The following PKP2 variants were observed in gnomAD, a reference collection of about 807,000 sequenced individuals.
PKP2 encodes plakophilin 2, also known as plakophilin-2.
A neutral mutation model predicts 83.4 loss-of-function variants in PKP2; 73 were observed. The observed-to-expected ratio is 0.88, with a 90% CI of 0.72 to 1.06. PKP2 has a LOEUF of 1.06. Ranked by LOEUF, PKP2 falls within the 50% of genes least tolerant of loss-of-function variation. The pLI is 0.00. For synonymous variants in PKP2, 409 were observed against 430.4 expected, an observed-to-expected ratio of 0.95 and a Z score of 0.62; for missense variants, 966 against 1,065.4, an observed-to-expected ratio of 0.91 and a Z score of 1.30.
intron 4 of PKP2, among the ~76,000 whole-genome samples, chr12:32,857,161 T>A (rs1428409181): frequency 6.6e-6 from 1 of 152,174 alleles, no homozygotes; most frequent in Non-Finnish European, 1.5e-5. Context: ...CAACAGCTCA[T>A]GTCTGTAATC....
intron 7 of PKP2, among the ~76,000 whole-genome samples, chr12:32,823,817 G>A (rs1355440843): frequency 6.6e-6 from 1 of 151,982 alleles, no homozygotes; most frequent in Non-Finnish European, 1.5e-5. Context: ...TATCCAGGAT[G>A]GTCTCAATCT....
intron 5 of PKP2, among the ~76,000 whole-genome samples, chr12:32,842,392 G>T (rs575276677): frequency 2.4e-4 from 37 of 151,278 alleles, no homozygotes; most frequent in African/African-American, 8.2e-4. Context: ...ACAGGCGCCC[G>T]CCACCATGCC....
intron 9 of PKP2, among the ~76,000 whole-genome samples, chr12:32,807,939 T>C (rs1956241900): frequency 6.6e-6 from 1 of 152,200 alleles, no homozygotes. Flanking sequence ...GACCTGGCCT[T>C]TCTCTCTGGC....
intron 1 of PKP2, among the ~76,000 whole-genome samples, chr12:32,881,434 T>A (rs1038565124): frequency 1.3e-5 from 2 of 152,140 alleles, no homozygotes; most frequent in African/African-American, 4.8e-5. Context: ...TTTTTTTCTA[T>A]AAATTTTATT....
At chr12:32,884,390 G>A (rs530524144) in intron 1 of PKP2, among the ~76,000 whole-genome samples, 1 of 152,150 alleles carries the variant, frequency 6.6e-6, no homozygotes, top group Non-Finnish European at 1.5e-5. Flanking sequence ...GGAGGCAGAA[G>A]TTGCAGTGAG....
chr12:32,828,297 G>A (rs1366531491), intron 6 of PKP2, among the ~76,000 whole-genome samples: 1 of 152,036 alleles, frequency 6.6e-6, no homozygotes, highest in African/African-American at 2.4e-5. Context: ...ACATTCCTGA[G>A]TGTCACAATG....
intron 10 of PKP2, among the ~76,000 whole-genome samples, chr12:32,798,609 T>C (rs1956152907): frequency 6.6e-6 from 1 of 152,004 alleles, no homozygotes; most frequent in African/African-American, 2.4e-5. Flanking sequence ...AGCAAAATAC[T>C]TACAGCCAAC....
At chr12:32,795,993 T>C (rs1956116880) in intron 11 of PKP2, 116 bp downstream of exon 11, 1 of 943,488 alleles carries the variant, frequency 1.1e-6, no homozygotes, top group Non-Finnish European at 1.7e-6. Flanking sequence ...CTTTACATCC[T>C]GTTTGCTGCC....
intron 10 of PKP2, among the ~76,000 whole-genome samples, chr12:32,800,918 C>T (rs1040321192): frequency 6.6e-6 from 1 of 152,270 alleles, no homozygotes; most frequent in African/African-American, 2.4e-5. Flanking sequence ...AACATAACAA[C>T]TTTATTGCAG....
At chr12:32,861,592 G>C (rs138542356) in intron 4 of PKP2, among the ~76,000 whole-genome samples, 1 of 152,144 alleles carries the variant, frequency 6.6e-6, no homozygotes. Flanking sequence ...GAAGCCTAAC[G>C]TGTATGTAAT....
chr12:32,843,722 G>A (rs900443361), intron 5 of PKP2, among the ~76,000 whole-genome samples: 3 of 152,176 alleles, frequency 2.0e-5, no homozygotes, highest in South Asian at 2.1e-4. Flanking sequence ...TCAGCCACAG[G>A]TTTTGCAATA....
At chr12:32,816,014 C>T (rs1259376704) in intron 9 of PKP2, among the ~76,000 whole-genome samples, 1 of 152,162 alleles carries the variant, frequency 6.6e-6, no homozygotes, top group Non-Finnish European at 1.5e-5. Flanking sequence ...GCAAATAACA[C>T]TTCTAATTCA....
At chr12:32,821,251 T>C (rs1956372436) in intron 9 of PKP2, 105 bp downstream of exon 9, 2 of 1,082,940 alleles carry the variant, frequency 1.8e-6, no homozygotes, top group Admixed American at 1.9e-5. Context: ...TTTACTAAAA[T>C]AAGAAACCTT....
chr12:32,843,382 G>C, intron 5 of PKP2: 1 of 1,239,058 alleles, frequency 8.1e-7, no homozygotes, highest in African/African-American at 1.5e-5. Context: ...AAATGTGGCA[G>C]ACTTGGCTGA....
rs1956073618 is a variant in PKP2 at position 32,792,157 on chromosome 12, G to C, written c.*267C>G. ...TCCCTTCCACATGAATTCACATTTT[G>C]ATTCCAGGAAGCCATGTACCATAAG... is the stretch of plus-strand genomic sequence containing the variant. On this transcript the variant is annotated 3_prime_UTR_variant, in exon 13 of 13. Coordinates refer to ENST00000340811, the MANE Select transcript of PKP2 (RefSeq NM_001005242.3). 1 of 493,840 alleles carries C rather than the reference G, an allele frequency of 2.0e-6. No individual in the cohort carries two copies. Among genetic ancestry groups the C allele is most frequent in the East Asian group, 3.8e-5 (1 of 26,354 alleles). 30.6% of individuals were successfully genotyped at this position (493,840 alleles called of 1,614,324 possible).
Position 32,868,954 on chromosome 12 carries a change from G to A in PKP2, c.1143C>T (p.Cys381=). The change falls in exon 4 of 13, where the codon TGC becomes TGT. Residue 381 remains cysteine (C), a synonymous_variant. Coordinates refer to ENST00000340811, the MANE Select transcript of PKP2 (RefSeq NM_001005242.3). Reference sequence around the variant, plus strand: ...TCTTCCGAGCTTCAGATTTCTGGAAGCACTCGTGCTGTATGAAAGTAGCTG... The same window carrying A: ...TCTTCCGAGCTTCAGATTTCTGGAAACACTCGTGCTGTATGAAAGTAGCTG... ...SAAATFIQHE[C]FQKSEARKRV... is the part of the protein sequence containing the mutation. The A allele has an allele frequency of 6.2e-7, 1 of 1,613,582 alleles. No individual in the cohort carries two copies. The highest frequency in any genetic ancestry group is 1.1e-5 in the South Asian group (1 of 91,058).
At chr12:32,853,592 C>T (rs1379281669) in intron 4 of PKP2, among the ~76,000 whole-genome samples, 4 of 151,636 alleles carry the variant, frequency 2.6e-5, no homozygotes, top group Non-Finnish European at 5.9e-5. Context: ...CTGCAATCTC[C>T]GCCCCCTGGG....
chr12:32,878,779 AT>A, intron 2 of PKP2, 140 bp downstream of exon 2: 1 of 693,360 alleles, frequency 1.4e-6, no homozygotes, highest in Non-Finnish European at 2.6e-6. Context: ...TGGTATCCTC[AT>A]AAATATCAAT....
At chr12:32,886,160 G>C (rs1235094206) in intron 1 of PKP2, among the ~76,000 whole-genome samples, 1 of 152,168 alleles carries the variant, frequency 6.6e-6, no homozygotes, top group African/African-American at 2.4e-5. Context: ...TCACAGTGTG[G>C]ATTCACGATG....
Sources: allele counts gnomAD v4.1 joint callset (sites outside exome capture counted in the v4.1 genomes callset), GRCh38; gene constraint gnomAD v4.1.1; transcripts MANE v1.5; gene names NCBI Gene and HGNC (gene_info 2026-07-23, HGNC 2026-07-21).